COMMD7: variants seen among roughly 807,000 people sequenced by gnomAD.
The protein encoded by COMMD7 is COMM domain containing 7.
A neutral mutation model predicts 34.8 loss-of-function variants in COMMD7; 28 were observed. The observed-to-expected ratio is 0.80, with a 90% confidence interval of 0.60 to 1.10. The LOEUF is 1.10. Among genes scored for constraint, COMMD7 ranks in the 50% least tolerant of loss-of-function variants. The pLI is 0.00. For synonymous variants in COMMD7, 80 were observed against 86.4 expected (o/e 0.93, Z 0.41); for missense variants, 211 against 241.6 (o/e 0.87, Z 0.84).
intron 3 of COMMD7, among the ~76,000 whole-genome samples, chr20:32,712,218 C>T (rs147092858): frequency 1.1e-3 from 141 of 130,906 alleles, no homozygotes; most frequent in African/African-American, 3.8e-3. Flanking sequence ...TGCAGTGAGC[C>T]GAGATCGTGC....
At chr20:32,710,016 C>T (rs1307815980) in intron 3 of COMMD7, among the ~76,000 whole-genome samples, 1 of 151,612 alleles carries the variant, frequency 6.6e-6, no homozygotes, top group African/African-American at 2.4e-5. Context: ...GTAGCTGGGA[C>T]TACAGGCATG....
At position 32,703,448 on chromosome 20, in the gene COMMD7, C is replaced by CA; in HGVS notation, c.536dup (p.Leu179PhefsTer78). On this transcript the variant is annotated frameshift_variant, in exon 9 of 9. Coordinates refer to ENST00000278980, the MANE Select transcript of COMMD7 (RefSeq NM_053041.3). LOFTEE classifies it high-confidence loss of function. ...CGTGCAGGAAGCTGTAGAACTGAGG[C>CA]AAGGTTAATTCTGGGGAGAGAAAAT... 1 of 1,613,804 alleles carries CA rather than the reference C, an allele frequency of 6.2e-7. No homozygotes were observed. Among genetic ancestry groups the CA allele is most frequent in the Non-Finnish European group, 8.5e-7 (1 of 1,179,900 alleles).
At chr20:32,722,181 T>C (rs534634971) in intron 3 of COMMD7, among the ~76,000 whole-genome samples, 1 of 147,372 alleles carries the variant, frequency 6.8e-6, no homozygotes, top group Non-Finnish European at 1.5e-5. Context: ...GTCGACGGAA[T>C]TTGCAGTGAG....
In COMMD7 at chr20:32,740,556, G is replaced by A. The variant is rs544368354; in HGVS notation, c.84+2752C>T. On this transcript the variant is annotated intron_variant, in intron 1 of 8. Coordinates refer to ENST00000278980, the MANE Select transcript of COMMD7 (RefSeq NM_053041.3). ...GAGGTAAAAGATCCCCTGTTACCTA[G>A]TGATTGTCACAGAAATCCGCGCCCA... Among the ~76,000 whole-genome samples the A allele has an allele frequency of 2.1e-4, 32 of 152,120 alleles. No homozygotes were observed. The South Asian group carries it at 3.5e-3, about 17-fold the overall frequency.
intron 3 of COMMD7, 152 bp downstream of exon 3, chr20:32,727,741 G>A (rs1037719329): frequency 3.1e-6 from 2 of 652,274 alleles, no homozygotes; most frequent in Non-Finnish European, 5.5e-6. Context: ...CACCTGTTAC[G>A]TGGGCTCCCT....
intron 5 of COMMD7, among the ~76,000 whole-genome samples, chr20:32,705,973 T>G (rs1034224070): frequency 1.3e-5 from 2 of 151,842 alleles, no homozygotes; most frequent in African/African-American, 4.8e-5. Context: ...CTGAGGCAGG[T>G]GGATCACCTG....
chr20:32,741,163 A>C (rs566204325), intron 1 of COMMD7, among the ~76,000 whole-genome samples: 6 of 152,152 alleles, frequency 3.9e-5, no homozygotes, highest in African/African-American at 1.4e-4. Context: ...ACAAACAAAA[A>C]AAAACTGACA....
At chr20:32,716,177 A>G (rs1291280657) in intron 3 of COMMD7, among the ~76,000 whole-genome samples, 1 of 152,204 alleles carries the variant, frequency 6.6e-6, no homozygotes, top group Non-Finnish European at 1.5e-5. Context: ...ACAGGAGACA[A>G]TGGGGAAATT....
chr20:32,743,237 T>TCCCCCCCC, intron 1 of COMMD7, 71 bp downstream of exon 1: 13 of 526,918 alleles, frequency 2.5e-5, no homozygotes, highest in Non-Finnish European at 4.1e-5. Context: ...CCCCCGGACG[T>TCCCCCCCC]CCCCCCCACC....
At chr20:32,721,114 C>A (rs886362593) in intron 3 of COMMD7, among the ~76,000 whole-genome samples, 1 of 152,106 alleles carries the variant, frequency 6.6e-6, no homozygotes, top group Admixed American at 6.6e-5. Flanking sequence ...TGAACTCAAG[C>A]GATTTGGGAA....
chr20:32,727,082 G>T (rs1283639626), intron 3 of COMMD7, among the ~76,000 whole-genome samples: 2 of 149,670 alleles, frequency 1.3e-5, no homozygotes, highest in Non-Finnish European at 3.0e-5. Context: ...AAAAACATTA[G>T]CCAGGCAGGG....
At chr20:32,738,154 C>T (rs998408558) in intron 1 of COMMD7, among the ~76,000 whole-genome samples, 3 of 152,066 alleles carry the variant, frequency 2.0e-5, no homozygotes, top group South Asian at 2.1e-4. Context: ...GAGACAGGGT[C>T]GCATTTTCTG....
intron 1 of COMMD7, among the ~76,000 whole-genome samples, chr20:32,739,843 G>T (rs6057634): frequency 0.61 from 84,057 of 137,010 alleles, 30,946 homozygotes; most frequent in Middle Eastern, 0.79. Flanking sequence ...CATGGCGAAA[G>T]CCCATCTCTA....
chr20:32,733,210 A>G (rs1601002604), intron 1 of COMMD7, among the ~76,000 whole-genome samples: 2 of 152,106 alleles, frequency 1.3e-5, no homozygotes, highest in African/African-American at 4.8e-5. Flanking sequence ...GTAAGACTCC[A>G]TCTCAAAAAA....
intron 3 of COMMD7, among the ~76,000 whole-genome samples, chr20:32,710,068 A>G (rs1984345572): frequency 6.6e-6 from 1 of 151,122 alleles, no homozygotes. Flanking sequence ...TTTTCTAGAG[A>G]TAGAGTCTCA....
At chr20:32,721,455 CA>C (rs1268959081) in intron 3 of COMMD7, among the ~76,000 whole-genome samples, 1 of 151,566 alleles carries the variant, frequency 6.6e-6, no homozygotes, top group Admixed American at 6.6e-5. Flanking sequence ...ACTAAAAGTA[CA>C]AAAAATTGCT....
chr20:32,740,861 T>A (rs1279600723), intron 1 of COMMD7, among the ~76,000 whole-genome samples: 4 of 150,866 alleles, frequency 2.7e-5, no homozygotes, highest in Non-Finnish European at 5.9e-5. Context: ...AAGTTACAGT[T>A]GGCAGGGTGC....
At chr20:32,739,739 CA>C (rs1986332703) in intron 1 of COMMD7, among the ~76,000 whole-genome samples, 1 of 138,992 alleles carries the variant, frequency 7.2e-6, no homozygotes, top group African/African-American at 2.7e-5. Flanking sequence ...CTAATCTGAC[CA>C]GGGGTGGTGG....
chr20:32,709,957 C>T (rs1984337204), intron 3 of COMMD7, among the ~76,000 whole-genome samples: 1 of 151,440 alleles, frequency 6.6e-6, no homozygotes, highest in Non-Finnish European at 1.5e-5. Flanking sequence ...CGGCTCATTA[C>T]AGCCTTGACC....
Sources: gnomAD v4.1 joint callset for allele counts (sites outside exome capture counted in the v4.1 genomes callset) on GRCh38, gnomAD v4.1.1 for gene constraint, MANE v1.5 for transcripts, NCBI Gene and HGNC (gene_info 2026-07-23, HGNC 2026-07-21) for gene names.